The following IL12A variants were observed in gnomAD, a reference collection of about 807,000 sequenced individuals.
IL12A encodes interleukin-12 subunit alpha.
In IL12A, 16 loss-of-function variants were observed where a neutral mutation model predicts 23.5. The observed-to-expected ratio is 0.68, with a 90% confidence interval of 0.46 to 1.03. IL12A has a LOEUF of 1.03. Ranked by LOEUF, IL12A falls within the 50% of genes least tolerant of loss-of-function variation. The pLI, the probability that IL12A is intolerant of heterozygous loss-of-function variation, is 0.00. For missense variants in IL12A, 275 were observed against 307.0 expected (o/e 0.90, Z 0.78); for synonymous variants, 106 against 111.5 (o/e 0.95, Z 0.31).
Position 159,989,063 on chromosome 3 carries a change from C to A in IL12A, c.7C>A (p.Pro3Thr). Residue 3 changes from proline (P) to threonine (T), a missense_variant, in exon 1 of 7, where the codon CCC (proline) becomes ACC (threonine). Pro to Thr is a conservative substitution (Grantham distance 38, BLOSUM62 -1). Coordinates refer to ENST00000305579, the MANE Select transcript of IL12A (RefSeq NM_000882.4). ...CCTCGGGACAATTATAAAAATGTGGCCCCCTGGGTCAGCCTCCCAGCCACC... is the reference window on the plus strand; with the variant it reads ...CCTCGGGACAATTATAAAAATGTGGACCCCTGGGTCAGCCTCCCAGCCACC... 6.2e-7 allele frequency: 1 copy of A among 1,612,322 alleles called. No individual in the cohort carries two copies. Among genetic ancestry groups the A allele is most frequent in the Admixed American group, 1.7e-5 (1 of 59,998 alleles).
intron 3 of IL12A, 95 bp from the exon 4 acceptor site, chr3:159,993,354 ATG>A (rs1720383298): frequency 3.4e-6 from 3 of 877,274 alleles, no homozygotes; most frequent in Non-Finnish European, 5.4e-6. Flanking sequence ...ATATTATGAT[ATG>A]TGTTTTTACC....
chr3:159,995,592 T>C lies in IL12A; in HGVS notation c.*33T>C, dbSNP rs906249297. Reference sequence around the variant, plus strand: ...GGTCCCTCCAAACCGTTGTCATTTTTATAAAACTTTGAAATGAGGAAACTT... The same window carrying C: ...GGTCCCTCCAAACCGTTGTCATTTTCATAAAACTTTGAAATGAGGAAACTT... On this transcript the variant is annotated 3_prime_UTR_variant, in exon 7 of 7. Coordinates refer to ENST00000305579, the MANE Select transcript of IL12A (RefSeq NM_000882.4). 5.9e-6 allele frequency: 9 copies of C among 1,518,654 alleles called. No individual in the cohort carries two copies. The Middle Eastern group carries it at 5.3e-4, about 89-fold the overall frequency. 94.1% of individuals were successfully genotyped at this position (1,518,654 alleles called of 1,614,324 possible).
chr3:159,993,371 TA>T (rs78163325), intron 3 of IL12A, 79 bp from the exon 4 acceptor site: 54 of 1,090,552 alleles, frequency 5.0e-5, no homozygotes, highest in African/African-American at 1.1e-4. Flanking sequence ...TTTACCATAA[TA>T]AAAAAAATTT....
Position 159,995,503 on chromosome 3 carries a change from T to C in IL12A, c.706T>C (p.Phe236Leu). The change falls in exon 7 of 7, where the codon TTC (phenylalanine) becomes CTC (leucine). Residue 236 changes from phenylalanine to leucine, a missense_variant. Physicochemically the swap from Phe to Leu is conservative, Grantham distance 22. Transcript: ENST00000305579. ...CAAGCTCTGCATACTTCTTCATGCT[T>C]TCAGAATTCGGGCAGTGACTATTGA... 6.2e-7 allele frequency: 1 copy of C among 1,609,888 alleles called. No homozygotes were observed.
At chr3:159,989,399 G>A (rs7615589) in intron 1 of IL12A, 135,488 of 549,520 alleles carry the variant, frequency 0.25, 17,880 homozygotes, top group Admixed American at 0.29. Flanking sequence ...ACTTCGTAGA[G>A]GAGAAACTGA....
chr3:159,992,919 C>A (rs1577558534), intron 2 of IL12A, 93 bp from the exon 3 acceptor site: 6 of 680,508 alleles, frequency 8.8e-6, no homozygotes, highest in Non-Finnish European at 1.5e-5. Flanking sequence ...GGCAGCCAGC[C>A]GGAGCCTTCC....
intron 1 of IL12A, 41 bp downstream of exon 1, chr3:159,989,215 C>T: frequency 2.0e-6 from 3 of 1,513,570 alleles, no homozygotes; most frequent in South Asian, 1.1e-5. Flanking sequence ...CGCTCGGGTG[C>T]GGAGGGGCGG....
chr3:159,993,095 G>A lies in IL12A; in HGVS notation c.348G>A (p.Val116=), dbSNP rs757491719. ...TCACAAAAGATAAAACCAGCACAGTGGAGGCCTGTTTACCATTGGAATTAA... is the reference window on the plus strand; with the variant it reads ...TCACAAAAGATAAAACCAGCACAGTAGAGGCCTGTTTACCATTGGAATTAA... Residue 116 remains valine, a synonymous_variant, in exon 3 of 7, where the codon GTG becomes GTA. Transcript: ENST00000305579. 2 of 1,598,836 alleles carry A rather than the reference G, an allele frequency of 1.3e-6. No individual in the cohort carries two copies. Among genetic ancestry groups the A allele is most frequent in the Non-Finnish European group, 1.7e-6 (2 of 1,166,120 alleles).
At position 159,993,169 on chromosome 3, in the gene IL12A, CTG is replaced by C. The variant is rs371082765; in HGVS notation, c.378+47_378+48del. 1.8e-4 allele frequency: 201 copies of C among 1,087,396 alleles called. 2 individuals carry two copies. The African/African-American group carries it at 2.9e-3, about 16-fold the overall frequency. The allele number at this position is 1,087,396 out of a possible 1,614,324, so 67.4% of individuals were successfully genotyped here. On this transcript the variant is annotated intron_variant, in intron 3 of 6. Coordinates refer to ENST00000305579, the MANE Select transcript of IL12A (RefSeq NM_000882.4). The stretch of plus-strand genomic sequence containing the variant: ...CCAGAGCATGCAGTGTGGTTAAAAA[CTG>C]TGCATCAAATCTCACCTGCTTCTAA...
rs762649502 is a variant in IL12A at position 159,993,135 on chromosome 3, A to T, written c.378+10A>T. 7.1e-7 allele frequency: 1 copy of T among 1,409,040 alleles called. No individual in the cohort carries two copies. Among genetic ancestry groups the T allele is most frequent in the South Asian group, 1.2e-5 (1 of 85,450 alleles). The allele number at this position is 1,409,040 out of a possible 1,614,324, so 87.3% of individuals were successfully genotyped here. On this transcript the variant is annotated intron_variant, in intron 3 of 6. Transcript: ENST00000305579. ...ATTGGAATTAACCAAGGTATAAAGG[A>T]TTTTCCTCCCAGAGCATGCAGTGTG...
intron 2 of IL12A, among the ~76,000 whole-genome samples, chr3:159,991,648 C>A (rs562748469): frequency 2.6e-5 from 4 of 152,310 alleles, no homozygotes; most frequent in African/African-American, 9.6e-5. Flanking sequence ...AATTTATTAT[C>A]TTACAGCTCT....
intron 2 of IL12A, among the ~76,000 whole-genome samples, chr3:159,992,544 T>C (rs1720357115): frequency 6.6e-6 from 1 of 152,264 alleles, no homozygotes; most frequent in South Asian, 2.1e-4. Context: ...TGTGCGTGTG[T>C]GCACTGCAAA....
Position 159,995,685 on chromosome 3 carries a change from C to G in IL12A, c.*126C>G. 1 of 572,426 alleles carries G rather than the reference C, an allele frequency of 1.7e-6. No individual in the cohort carries two copies. 35.5% of individuals were successfully genotyped at this position (572,426 alleles called of 1,614,324 possible). On this transcript the variant is annotated 3_prime_UTR_variant, in exon 7 of 7. Transcript: ENST00000305579. ...TGGGACTATTACATCCACATGATAC[C>G]TCTGATCAAGTATTTTTGACATTTA...
In IL12A at chr3:159,993,043, C is replaced by T; in HGVS notation, c.296C>T (p.Thr99Ile). The change falls in exon 3 of 7, where the codon ACT becomes ATT. Residue 99 changes from threonine (T) to isoleucine (I), a missense_variant. Coordinates refer to ENST00000305579, the MANE Select transcript of IL12A (RefSeq NM_000882.4). ...CAAACTCTAGAATTTTACCCTTGCA[C>T]TTCTGAAGAGATTGATCATGAAGAT... is the stretch of plus-strand genomic sequence containing the variant. 6.2e-7 allele frequency: 1 copy of T among 1,608,178 alleles called. No homozygotes were observed. The highest frequency in any genetic ancestry group is 1.3e-5 in the African/African-American group (1 of 74,932).
chr3:159,994,098 C>A, intron 6 of IL12A: 2 of 410,698 alleles, frequency 4.9e-6, no homozygotes, highest in East Asian at 4.2e-5. Context: ...TGTGCATTTT[C>A]TTATGTCAGC....
chr3:159,993,533 T>G (rs1720390467), intron 4 of IL12A, 35 bp from the exon 5 acceptor site: 1 of 1,613,930 alleles, frequency 6.2e-7, no homozygotes, highest in Admixed American at 1.7e-5. Context: ...TATGATGAAT[T>G]CATATCACTG....
In IL12A at chr3:159,989,079, C is replaced by T. The variant is rs1233339693; in HGVS notation, c.23C>T (p.Ser8Phe). 4 of 1,613,378 alleles carry T rather than the reference C, an allele frequency of 2.5e-6. No homozygotes were observed. The highest frequency in any genetic ancestry group is 2.2e-5 in the South Asian group (2 of 90,990). Reference sequence around the variant, plus strand: ...AAAATGTGGCCCCCTGGGTCAGCCTCCCAGCCACCGCCCTCACCTGCCGCG... The same window carrying T: ...AAAATGTGGCCCCCTGGGTCAGCCTTCCAGCCACCGCCCTCACCTGCCGCG... The change falls in exon 1 of 7, where the codon TCC becomes TTC. Residue 8 changes from serine to phenylalanine, a missense_variant. Transcript: ENST00000305579.
At chr3:159,995,374 G>T (rs76565566) in intron 6 of IL12A, 30 bp from the exon 7 acceptor site, 136 of 1,524,496 alleles carry the variant, frequency 8.9e-5, no homozygotes, top group Non-Finnish European at 1.2e-4. Context: ...GGAATACCAT[G>T]TAAGTCATGC....
At chr3:159,993,325 A>C in intron 3 of IL12A, 126 bp from the exon 4 acceptor site, 1 of 801,864 alleles carries the variant, frequency 1.2e-6, no homozygotes, top group East Asian at 2.7e-5. Context: ...TTAACACTTA[A>C]AAATAGTTCA....
Sources: gnomAD v4.1 joint callset for allele counts (sites outside exome capture counted in the v4.1 genomes callset) on GRCh38, gnomAD v4.1.1 for gene constraint, MANE v1.5 for transcripts, NCBI Gene and HGNC (gene_info 2026-07-23, HGNC 2026-07-21) for gene names.